The following NUP58 variants were observed in gnomAD, a reference collection of about 807,000 sequenced individuals.
NUP58 encodes nucleoporin 58, also known as nucleoporin p58/p45.
NUP58 carries 17 observed loss-of-function variants against 70.1 expected under a neutral mutation model. The ratio of observed to expected loss-of-function variants is 0.24; its 90% CI spans 0.17 to 0.36. The LOEUF is 0.36. NUP58 is among the 10% of genes least tolerant of loss of function. The pLI, the probability that NUP58 is intolerant of heterozygous loss-of-function variation, is 1.00. For missense variants in NUP58, 644 were observed against 701.5 expected, an observed-to-expected ratio of 0.92 and a Z score of 0.93; for synonymous variants, 275 against 257.6, an observed-to-expected ratio of 1.07 and a Z score of -0.65.
intron 13 of NUP58, 25 bp from the exon 14 acceptor site, chr13:25,336,911 C>T (rs780888903): frequency 1.3e-5 from 15 of 1,148,832 alleles, no homozygotes; most frequent in Non-Finnish European, 1.8e-5. Context: ...TTTTCCCCCC[C>T]ATTTTTTTTT....
chr13:25,308,952 G>C (rs1293033438), intron 2 of NUP58, among the ~76,000 whole-genome samples: 1 of 152,186 alleles, frequency 6.6e-6, no homozygotes, highest in Non-Finnish European at 1.5e-5. Context: ...AGACAGCTCA[G>C]TATAGCATTT....
At position 25,340,205 on chromosome 13, in the gene NUP58, C is replaced by T. The variant is rs533182863; in HGVS notation, c.*71C>T. On this transcript the variant is annotated 3_prime_UTR_variant, in exon 16 of 16. Transcript: ENST00000381736. The stretch of plus-strand genomic sequence containing the variant: ...CTATGAGTCTATTTTTCTAATGATG[C>T]AGTAATTAAATTGCATCCCAGGAGA... 3 of 1,309,684 alleles carry T rather than the reference C, an allele frequency of 2.3e-6. No homozygotes were observed. The Admixed American group carries it at 9.2e-5, about 40-fold the overall frequency. 81.1% of individuals were successfully genotyped at this position (1,309,684 alleles called of 1,614,324 possible). A position where few individuals can be genotyped will look rare whatever the true frequency, so the allele number is the denominator to read the frequency against.
chr13:25,320,453 C>A (rs921347894), intron 7 of NUP58, 77 bp from the exon 8 acceptor site: 2 of 974,448 alleles, frequency 2.1e-6, no homozygotes, highest in African/African-American at 3.3e-5. Flanking sequence ...TCTTAATACT[C>A]TAATACTCTA....
intron 12 of NUP58, among the ~76,000 whole-genome samples, chr13:25,328,484 C>T (rs1275948726): frequency 6.7e-6 from 1 of 149,724 alleles, no homozygotes; most frequent in East Asian, 2.0e-4. Context: ...CAACCTCCAC[C>T]TCCTGGGTTC....
rs1400037951 is a variant in NUP58, at chr13:25,341,205, TGTAA to T, written c.*1077_*1080del. 2.0e-5 allele frequency: 3 copies of T among 152,488 alleles called. No individual in the cohort carries two copies. Among genetic ancestry groups the T allele is most frequent in the South Asian group, 2.1e-4 (1 of 4,834 alleles). 9.4% of individuals were successfully genotyped at this position (152,488 alleles called of 1,614,324 possible). On this transcript the variant is annotated 3_prime_UTR_variant, in exon 16 of 16. Transcript: ENST00000381736. ...AGCAGCTCCTCCAAATGAGGAATGC[TGTAA>T]GTAAGACTCATCAAACAGATTTTAA...
At chr13:25,307,683 A>T in intron 1 of NUP58, 123 bp from the exon 2 acceptor site, 1 of 884,346 alleles carries the variant, frequency 1.1e-6, no homozygotes, top group Non-Finnish European at 1.7e-6. Flanking sequence ...AATGTATTAG[A>T]TATGTTATGT....
chr13:25,315,303 G>C (rs370046638), intron 5 of NUP58, 54 bp from the exon 6 acceptor site: 75 of 1,280,208 alleles, frequency 5.9e-5, no homozygotes, highest in Middle Eastern at 1.9e-4. Flanking sequence ...TGATCAGTAA[G>C]GGGAAATTGT....
chr13:25,313,836 C>T, intron 5 of NUP58, 85 bp downstream of exon 5: 1 of 1,073,368 alleles, frequency 9.3e-7, no homozygotes, highest in Non-Finnish European at 1.3e-6. Flanking sequence ...GAGCAGGTCA[C>T]TTTTTAATCT....
intron 12 of NUP58, among the ~76,000 whole-genome samples, chr13:25,329,689 C>T (rs956948959): frequency 6.6e-6 from 1 of 152,058 alleles, no homozygotes; most frequent in Non-Finnish European, 1.5e-5. Flanking sequence ...TTTTGTTTTT[C>T]ATTAGGTAAT....
intron 12 of NUP58, among the ~76,000 whole-genome samples, chr13:25,330,450 GATTTTTAAGTGCT>G (rs2031562425): frequency 6.6e-6 from 1 of 152,100 alleles, no homozygotes; most frequent in African/African-American, 2.4e-5. Flanking sequence ...ACAACAGTAA[GATTTTTAAGTGCT>G]GTATTTGTTA....
chr13:25,320,921 A>G lies in NUP58; in HGVS notation c.779A>G (p.Lys260Arg), dbSNP rs749333387. Reference sequence around the variant, plus strand: ...TCAGTTTTAAATATATTTTTTAGGAAATTTGTGAAGGAGCAGAAACAAGTT... The same window carrying G: ...TCAGTTTTAAATATATTTTTTAGGAGATTTGTGAAGGAGCAGAAACAAGTT... ...VICQDVENLQ[K>R]FVKEQKQVQE... Residue 260 changes from lysine (K) to arginine (R), a missense_variant and splice_region_variant, in exon 9 of 16, where the codon AAA becomes AGA. Lys to Arg is a conservative substitution (Grantham distance 26, BLOSUM62 2). This residue lies in a region of NUP58 where 430 missense variants were observed against 409.2 expected (regional missense o/e 1.05). Coordinates refer to ENST00000381736, the MANE Select transcript of NUP58 (RefSeq NM_014089.4). The G allele has an allele frequency of 1.3e-6, 2 of 1,542,342 alleles. No homozygotes were observed. Among genetic ancestry groups the G allele is most frequent in the Admixed American group, 2.3e-5 (1 of 42,604 alleles).
chr13:25,303,721 A>G (rs1186148630), intron 1 of NUP58, among the ~76,000 whole-genome samples: 1 of 152,190 alleles, frequency 6.6e-6, no homozygotes, highest in African/African-American at 2.4e-5. Flanking sequence ...TTGTTGTCAG[A>G]TCTCAGCACT....
chr13:25,302,754 A>G (rs1389353641), intron 1 of NUP58, among the ~76,000 whole-genome samples: 1 of 152,234 alleles, frequency 6.6e-6, no homozygotes, highest in African/African-American at 2.4e-5. Context: ...TTTAAAAGGC[A>G]AATACTTAAG....
chr13:25,317,716 T>C (rs2137761125), intron 6 of NUP58: 1 of 152,138 alleles, frequency 6.6e-6, no homozygotes, highest in South Asian at 2.1e-4. Flanking sequence ...TAGGTGGCAA[T>C]TTTAGAGATA....
At chr13:25,306,683 A>C (rs1034190681) in intron 1 of NUP58, among the ~76,000 whole-genome samples, 2 of 152,186 alleles carry the variant, frequency 1.3e-5, no homozygotes, top group African/African-American at 4.8e-5. Context: ...GTCTCCCTTA[A>C]ATCTCCTACA....
Position 25,334,973 on chromosome 13 carries a change from C to T in NUP58, c.1436-1963C>T, listed in dbSNP as rs567226916. 1.3e-5 allele frequency: 13 copies of T among 984,850 alleles called. No individual in the cohort carries two copies. The East Asian group carries it at 3.4e-4, about 26-fold the overall frequency. The allele number at this position is 984,850 out of a possible 1,614,324, so 61.0% of individuals were successfully genotyped here. On this transcript the variant is annotated intron_variant, in intron 13 of 15. Transcript: ENST00000381736. ...CAAAGCAGACTTCTTGAATTGTTTA[C>T]GTAACTTTTGCCTGAAGGATTTAGA...
At position 25,303,502 on chromosome 13, in the gene NUP58, G is replaced by T. The variant is rs73466645; in HGVS notation, c.107+1622G>T. On this transcript the variant is annotated intron_variant, in intron 1 of 15. Transcript: ENST00000381736. ...AATTAATTTTTATATTTCTCTCATG[G>T]TCCTGATCTTAGAAAGCCTGTCCTA... Among the ~76,000 whole-genome samples, 746 of 151,104 alleles carry T rather than the reference G, an allele frequency of 4.9e-3. 4 individuals are homozygous for T. Among genetic ancestry groups the T allele is most frequent in the African/African-American group, 0.017 (699 of 41,068 alleles).
chr13:25,309,211 T>C (rs1238954885), intron 2 of NUP58, 36 bp from the exon 3 acceptor site: 1 of 1,503,628 alleles, frequency 6.7e-7, no homozygotes, highest in South Asian at 1.1e-5. Context: ...GTCATCTTCA[T>C]TGATGATTAA....
chr13:25,315,240 A>T, intron 5 of NUP58, 117 bp from the exon 6 acceptor site: 1 of 764,616 alleles, frequency 1.3e-6, no homozygotes, highest in South Asian at 1.8e-5. Context: ...TTGTTTGCCT[A>T]AATCAAATAT....
Sources: allele counts gnomAD v4.1 joint callset (sites outside exome capture counted in the v4.1 genomes callset), GRCh38; gene constraint gnomAD v4.1.1; regional missense constraint gnomAD v4.1.1; transcripts MANE v1.5; gene names NCBI Gene and HGNC (gene_info 2026-07-23, HGNC 2026-07-21).